VWA3A: variants seen among roughly 807,000 people sequenced by gnomAD.
The protein encoded by VWA3A is von Willebrand factor A domain containing 3A, also known as von Willebrand factor A domain-containing protein 3A.
VWA3A carries 134 observed loss-of-function variants against 160.4 expected under a neutral mutation model. That is an observed-to-expected ratio of 0.84 (90% CI 0.73 to 0.96). The LOEUF (loss-of-function observed/expected upper bound fraction) is 0.96. Ranked by LOEUF, VWA3A falls within the 40% of genes least tolerant of loss-of-function variation. The pLI is 0.00. For synonymous variants in VWA3A, 476 were observed against 543.4 expected, an observed-to-expected ratio of 0.88 and a Z score of 1.72; for missense variants, 1,310 against 1,447.9, an observed-to-expected ratio of 0.90 and a Z score of 1.55.
intron 23 of VWA3A, 103 bp from the exon 24 acceptor site, chr16:22,141,478 TG>T: frequency 9.4e-7 from 1 of 1,063,488 alleles, no homozygotes; most frequent in Admixed American, 2.1e-5. Flanking sequence ...CCCCATTTCC[TG>T]GGGTGGAGTA....
At chr16:22,109,972 T>C (rs1567200111) in intron 7 of VWA3A, among the ~76,000 whole-genome samples, 1 of 152,176 alleles carries the variant, frequency 6.6e-6, no homozygotes, top group Non-Finnish European at 1.5e-5. Context: ...ACTCACCAGC[T>C]CTAGTTTGAG....
intron 28 of VWA3A, among the ~76,000 whole-genome samples, chr16:22,148,614 T>C (rs550061136): frequency 6.1e-4 from 92 of 152,034 alleles, no homozygotes; most frequent in Non-Finnish European, 1.2e-3. Context: ...CTTCAAAACA[T>C]TTAAAAATTA....
At chr16:22,107,742 CTAAT>C (rs2045501633) in intron 6 of VWA3A, among the ~76,000 whole-genome samples, 1 of 152,066 alleles carries the variant, frequency 6.6e-6, no homozygotes, top group African/African-American at 2.4e-5. Context: ...AATAAAGACT[CTAAT>C]TAGGTAAGCC....
chr16:22,116,385 A>G (rs1441994492), intron 9 of VWA3A: 1 of 448,300 alleles, frequency 2.2e-6, no homozygotes, highest in Non-Finnish European at 4.4e-6. Flanking sequence ...AAAAAAGAGG[A>G]AGGAAAGAAG....
Position 22,132,305 on chromosome 16 carries a change from C to T in VWA3A, c.1872+576C>T, listed in dbSNP as rs528523915. Reference sequence around the variant, plus strand: ...GGCTGAGGCAGGAGAATCGCTTGAACCTGGAGGGGGAGGTTGCGGTGAGCT... The same window carrying T: ...GGCTGAGGCAGGAGAATCGCTTGAATCTGGAGGGGGAGGTTGCGGTGAGCT... On this transcript the variant is annotated intron_variant, in intron 19 of 33. Transcript: ENST00000389398. Among the ~76,000 whole-genome samples the T allele has an allele frequency of 4.0e-3, 610 of 151,974 alleles. 2 individuals carry two copies. The highest frequency in any genetic ancestry group is 6.8e-3 in the Non-Finnish European group (462 of 67,956).
Position 22,119,017 on chromosome 16 carries a change from C to A in VWA3A, c.1106C>A (p.Thr369Asn), listed in dbSNP as rs1567205053. 3.1e-6 allele frequency: 5 copies of A among 1,611,622 alleles called. No individual in the cohort carries two copies. The highest frequency in any genetic ancestry group is 4.2e-6 in the Non-Finnish European group (5 of 1,178,798). Residue 369 changes from threonine to asparagine, a missense_variant, in exon 12 of 34, where the codon ACC (threonine) becomes AAC (asparagine). Thr to Asn is a moderately conservative substitution (Grantham distance 65). Transcript: ENST00000389398. The stretch of plus-strand genomic sequence containing the variant: ...AGCCCCTGTGAGGCGCTCACCTGCA[C>A]CATGGAGGAGGTAGGTGGTGCGAGT... Reference protein sequence around the residue: ...HSSPCEALTCTMEEISTEITN... With the variant: ...HSSPCEALTCNMEEISTEITN...
chr16:22,134,536 C>A, intron 21 of VWA3A, 98 bp downstream of exon 21: 2 of 1,014,564 alleles, frequency 2.0e-6, no homozygotes, highest in Non-Finnish European at 2.9e-6. Context: ...AAATAACAAC[C>A]ATTGATTCTC....
At position 22,123,100 on chromosome 16, in the gene VWA3A, T is replaced by C; in HGVS notation, c.1372T>C (p.Phe458Leu). 1 of 1,604,346 alleles carries C rather than the reference T, an allele frequency of 6.2e-7. No individual in the cohort carries two copies. The highest frequency in any genetic ancestry group is 1.1e-5 in the South Asian group (1 of 88,832). Residue 458 changes from phenylalanine (F) to leucine (L), a missense_variant, in exon 15 of 34, where the codon TTT becomes CTT. Transcript: ENST00000389398. ...STIHEKAMIQ[F>L]EWHDGTVKNI... Reference sequence around the variant, plus strand: ...CTGAGTATAGAAGGCAATGATACAATTTGAATGGCACGACGGGACAGTGAA... The same window carrying C: ...CTGAGTATAGAAGGCAATGATACAACTTGAATGGCACGACGGGACAGTGAA...
In VWA3A at chr16:22,146,273, T is replaced by C. The variant is rs369406647; in HGVS notation, c.2768T>C (p.Met923Thr). ...VRHIQWTPRE[M>T]EVYIRHLEKV... ...CACATCCAGTGGACGCCCAGGGAGA[T>C]GGAGGTGTACATCAGGCACTTGGAG... Residue 923 changes from methionine to threonine, a missense_variant, in exon 27 of 34, where the codon ATG becomes ACG. By Grantham distance (81) the Met-to-Thr change is moderately conservative. Transcript: ENST00000389398. The C allele has an allele frequency of 1.9e-6, 3 of 1,613,354 alleles. No individual in the cohort carries two copies. The highest frequency in any genetic ancestry group is 3.3e-5 in the Admixed American group (2 of 59,958).
intron 6 of VWA3A, among the ~76,000 whole-genome samples, chr16:22,109,175 C>G (rs2045519554): frequency 6.6e-6 from 1 of 152,116 alleles, no homozygotes; most frequent in Admixed American, 6.6e-5. Flanking sequence ...TATCTTCAAA[C>G]AAAGGGTGCT....
At chr16:22,152,441 G>A in intron 30 of VWA3A, 70 bp from the exon 31 acceptor site, 1 of 1,583,882 alleles carries the variant, frequency 6.3e-7, no homozygotes, top group Non-Finnish European at 8.6e-7. Flanking sequence ...GTTCCCCATG[G>A]ACGTGGGGAG....
Position 22,116,937 on chromosome 16 carries a change from C to T in VWA3A, c.924+70C>T. ...AGTGAGCTGGGCTGGCCTTTGAGGC[C>T]TCATGCTTGGACAGGCCCCCGAGCT... On this transcript the variant is annotated intron_variant, in intron 10 of 33. Coordinates refer to ENST00000389398, the MANE Select transcript of VWA3A (RefSeq NM_173615.5). 2.0e-6 allele frequency: 3 copies of T among 1,505,690 alleles called. No homozygotes were observed. In the Admixed American group the frequency reaches 5.2e-5, roughly 26 times the overall value. The allele number at this position is 1,505,690 out of a possible 1,614,324, so 93.3% of individuals were successfully genotyped here.
chr16:22,138,419 C>T lies in VWA3A; in HGVS notation c.2199C>T (p.Ala733=). ...NHSGKVLGSS[A]LPKEKPKTLQ... is the part of the protein sequence containing the mutation. ...CAGGAAAAGTACTGGGAAGTTCAGC[C>T]CTCCCGAAAGAAAAACCAAAGACAC... The change falls in exon 22 of 34, where the codon GCC becomes GCT. Residue 733 remains alanine, a synonymous_variant. Coordinates refer to ENST00000389398, the MANE Select transcript of VWA3A (RefSeq NM_173615.5). 6 of 1,612,134 alleles carry T rather than the reference C, an allele frequency of 3.7e-6. No individual in the cohort carries two copies. The highest frequency in any genetic ancestry group is 5.1e-6 in the Non-Finnish European group (6 of 1,179,282).
At chr16:22,121,706 A>C (rs1250406507) in intron 14 of VWA3A, 89 bp downstream of exon 14, 2 of 1,034,948 alleles carry the variant, frequency 1.9e-6, no homozygotes. Context: ...GGCAGTAAGA[A>C]TCACCAGGGA....
rs1318001064 is a variant in VWA3A, at chr16:22,128,284, G to A, written c.1652+1987G>A. ...ATGCTCAAGCAATGCTGTGAAGGAGGAACTGAAGGGATGTAATACTGGAGG... is the reference window on the plus strand; with the variant it reads ...ATGCTCAAGCAATGCTGTGAAGGAGAAACTGAAGGGATGTAATACTGGAGG... On this transcript the variant is annotated intron_variant, in intron 17 of 33. Coordinates refer to ENST00000389398, the MANE Select transcript of VWA3A (RefSeq NM_173615.5). Among the ~76,000 whole-genome samples, 23 of 152,172 alleles carry A rather than the reference G, an allele frequency of 1.5e-4. 1 individual carries two copies. The highest frequency in any genetic ancestry group is 1.5e-3 in the Admixed American group (23 of 15,272).
At chr16:22,120,277 G>T (rs2045710223) in intron 12 of VWA3A, among the ~76,000 whole-genome samples, 1 of 152,112 alleles carries the variant, frequency 6.6e-6, no homozygotes, top group African/African-American at 2.4e-5. Context: ...TGTACTACTT[G>T]TAGTTTGCAA....
chr16:22,100,356 C>T (rs1362422852), intron 4 of VWA3A, 38 bp downstream of exon 4: 4 of 1,551,660 alleles, frequency 2.6e-6, no homozygotes, highest in East Asian at 4.9e-5. Flanking sequence ...CCCACAGCTG[C>T]AGTGACACAT....
intron 7 of VWA3A, 35 bp downstream of exon 7, chr16:22,109,615 C>A: frequency 6.4e-7 from 1 of 1,567,092 alleles, no homozygotes; most frequent in East Asian, 2.2e-5. Flanking sequence ...CACCTGGAAC[C>A]ACCCACTACC....
chr16:22,129,427 A>AAAGT (rs2045910386), intron 17 of VWA3A, among the ~76,000 whole-genome samples: 1 of 149,866 alleles, frequency 6.7e-6, no homozygotes, highest in Admixed American at 6.7e-5. Context: ...AGAAAGAAAG[A>AAAGT]GGTGCATGGA....
Sources: allele counts gnomAD v4.1 joint callset (sites outside exome capture counted in the v4.1 genomes callset), GRCh38; gene constraint gnomAD v4.1.1; transcripts MANE v1.5; gene names NCBI Gene and HGNC (gene_info 2026-07-23, HGNC 2026-07-21).